UBR1: variants seen among roughly 807,000 people sequenced by gnomAD.
The protein encoded by UBR1 is ubiquitin protein ligase E3 component n-recognin 1.
Under a neutral mutation model 242.1 loss-of-function variants are expected in UBR1, and 102 were observed. The ratio of observed to expected loss-of-function variants is 0.42; its 90% CI spans 0.36 to 0.50. The LOEUF is 0.50. Among genes scored for constraint, UBR1 ranks in the 20% least tolerant of loss-of-function variants. The pLI is 0.01. For synonymous variants in UBR1, 675 were observed against 684.8 expected, an observed-to-expected ratio of 0.99 and a Z score of 0.22; for missense variants, 1,772 against 2,101.8, an observed-to-expected ratio of 0.84 and a Z score of 3.07.
chr15:42,973,897 T>TG (rs1224170408), intron 39 of UBR1, among the ~76,000 whole-genome samples: 5 of 147,852 alleles, frequency 3.4e-5, no homozygotes, highest in African/African-American at 1.3e-4. Context: ...TTTTTTTTTT[T>TG]TTTTTTTTTG....
intron 14 of UBR1, among the ~76,000 whole-genome samples, chr15:43,046,260 G>A (rs1342674910): frequency 2.0e-5 from 3 of 152,232 alleles, no homozygotes; most frequent in Non-Finnish European, 4.4e-5. Flanking sequence ...AAAAGCTACA[G>A]TGCTAGATTA....
intron 35 of UBR1, among the ~76,000 whole-genome samples, chr15:42,985,719 T>C (rs2032448168): frequency 6.6e-6 from 1 of 151,946 alleles, no homozygotes; most frequent in Non-Finnish European, 1.5e-5. Context: ...CCGGGTGCAG[T>C]GGTTCATGCC....
At chr15:43,033,913 G>A (rs2033292054) in intron 19 of UBR1, among the ~76,000 whole-genome samples, 1 of 152,014 alleles carries the variant, frequency 6.6e-6, no homozygotes, top group South Asian at 2.1e-4. Flanking sequence ...AGACTAGCCT[G>A]GTCAACATGG....
At chr15:42,995,994 G>C (rs1444900176) in intron 33 of UBR1, among the ~76,000 whole-genome samples, 1 of 152,134 alleles carries the variant, frequency 6.6e-6, no homozygotes, top group Non-Finnish European at 1.5e-5. Flanking sequence ...GGTAGGCCAG[G>C]CTTTTTCAAT....
At chr15:43,033,591 T>C (rs935376483) in intron 19 of UBR1, among the ~76,000 whole-genome samples, 1 of 152,032 alleles carries the variant, frequency 6.6e-6, no homozygotes, top group Admixed American at 6.5e-5. Flanking sequence ...GAGGCAGAGG[T>C]TGCAGTGAGC....
At chr15:42,962,603 C>T (rs900325904) in intron 42 of UBR1, among the ~76,000 whole-genome samples, 8 of 152,132 alleles carry the variant, frequency 5.3e-5, no homozygotes, top group African/African-American at 1.9e-4. Flanking sequence ...GAGTCTCCTG[C>T]CTCAGCTTCC....
At position 43,048,426 on chromosome 15, in the gene UBR1, A is replaced by C. The variant is rs1432144030; in HGVS notation, c.1505T>G (p.Phe502Cys). 6.2e-7 allele frequency: 1 copy of C among 1,613,742 alleles called. No homozygotes were observed. Among genetic ancestry groups the C allele is most frequent in the South Asian group, 1.1e-5 (1 of 91,052 alleles). ...GGTAAGAATCTTCAAAAAAGATCGAAAACCTTCAAGGAACTGCATTCTTAA... is the reference window on the plus strand; with the variant it reads ...GGTAAGAATCTTCAAAAAAGATCGACAACCTTCAAGGAACTGCATTCTTAA... ...ERLRMQFLEG[F>C]RSFLKILTCM... Residue 502 changes from phenylalanine (F) to cysteine (C), a missense_variant, in exon 13 of 47, where the codon TTT (phenylalanine) becomes TGT (cysteine). Around this residue, in one of 3 missense-constraint regions of UBR1, gnomAD observed 734 missense variants for 893.3 expected, o/e 0.82. Transcript: ENST00000290650.
chr15:43,091,906 C>CAA (rs58586323), intron 1 of UBR1: 7,465 of 178,808 alleles, frequency 0.042, 29 homozygotes, highest in South Asian at 0.048. Flanking sequence ...TACACCATCT[C>CAA]AAAAAAAAAA....
chr15:42,999,684 G>T (rs1375550908), intron 32 of UBR1, among the ~76,000 whole-genome samples: 1 of 151,830 alleles, frequency 6.6e-6, no homozygotes, highest in Non-Finnish European at 1.5e-5. Context: ...AAAAATTAGT[G>T]GGGTGTGGTG....
intron 14 of UBR1, among the ~76,000 whole-genome samples, chr15:43,045,849 T>A (rs191378112): frequency 2.6e-5 from 4 of 152,246 alleles, no homozygotes; most frequent in South Asian, 4.1e-4. Context: ...AAATAGGTAA[T>A]CGATAATAAA....
At chr15:43,070,188 A>G (rs2033807024) in intron 5 of UBR1, among the ~76,000 whole-genome samples, 1 of 151,170 alleles carries the variant, frequency 6.6e-6, no homozygotes, top group Non-Finnish European at 1.5e-5. Context: ...TTTATAAATT[A>G]AGAGCAAATA....
At chr15:43,083,952 G>A (rs1421990370) in intron 2 of UBR1, among the ~76,000 whole-genome samples, 4 of 151,910 alleles carry the variant, frequency 2.6e-5, no homozygotes, top group African/African-American at 9.7e-5. Flanking sequence ...GTTGAGGCAG[G>A]AAAATTGCTT....
chr15:43,003,900 T>A lies in UBR1; in HGVS notation c.3446A>T (p.Asp1149Val), dbSNP rs766747277. ...EALDPLFMDP[D>V]LAYGTYTGSC... Reference sequence around the variant, plus strand: ...TCCTGTATAAGTTCCATATGCCAAGTCTGGATCCATGAAAAGTGGGTCTAG... The same window carrying A: ...TCCTGTATAAGTTCCATATGCCAAGACTGGATCCATGAAAAGTGGGTCTAG... The change falls in exon 31 of 47, where the codon GAC becomes GTC. Residue 1149 changes from aspartate to valine, a missense_variant. By Grantham distance (152) the Asp-to-Val change is radical. Transcript: ENST00000290650. 6.2e-6 allele frequency: 10 copies of A among 1,614,118 alleles called. No individual in the cohort carries two copies. The highest frequency in any genetic ancestry group is 7.6e-6 in the Non-Finnish European group (9 of 1,180,016).
Position 43,060,055 on chromosome 15 carries a change from T to A in UBR1, c.858A>T (p.Ile286=), listed in dbSNP as rs988890347. ...TCCCCCTAATTCAGAAAGTTACCTTTATATCTTCCTTTGCTTCCTGGCAAG... is the reference window on the plus strand; with the variant it reads ...TCCCCCTAATTCAGAAAGTTACCTTAATATCTTCCTTTGCTTCCTGGCAAG... ...YAACQEAKED[I]KSHSENVSQH... Residue 286 remains isoleucine, a synonymous_variant, in exon 7 of 47, where the codon ATA becomes ATT. Transcript: ENST00000290650. 1 of 1,613,988 alleles carries A rather than the reference T, an allele frequency of 6.2e-7. No homozygotes were observed. Among genetic ancestry groups the A allele is most frequent in the Non-Finnish European group, 8.5e-7 (1 of 1,179,986 alleles).
At chr15:42,955,938 A>G (rs879305487) in intron 44 of UBR1, among the ~76,000 whole-genome samples, 2 of 152,220 alleles carry the variant, frequency 1.3e-5, no homozygotes, top group Non-Finnish European at 2.9e-5. Context: ...GTACCTGTAT[A>G]TTGTTAACCT....
At chr15:43,016,334 G>A (rs1044095619) in intron 28 of UBR1, among the ~76,000 whole-genome samples, 6 of 151,924 alleles carry the variant, frequency 3.9e-5, no homozygotes, top group Admixed American at 2.0e-4. Flanking sequence ...AATTTACATC[G>A]TGTGTTTTAC....
intron 27 of UBR1, among the ~76,000 whole-genome samples, chr15:43,018,514 A>G (rs2033061234): frequency 6.6e-6 from 1 of 152,094 alleles, no homozygotes; most frequent in Admixed American, 6.5e-5. Context: ...CAGCCTCTCA[A>G]GTAGCTGGGA....
rs1349542679 is a variant in UBR1, at chr15:42,944,426, T to C, written c.*903A>G. 6.6e-6 allele frequency: 1 copy of C among 152,368 alleles called. No homozygotes were observed. Among genetic ancestry groups the C allele is most frequent in the Non-Finnish European group, 1.5e-5 (1 of 68,032 alleles). 9.4% of individuals were successfully genotyped at this position (152,368 alleles called of 1,614,324 possible). On this transcript the variant is annotated 3_prime_UTR_variant, in exon 47 of 47. Coordinates refer to ENST00000290650, the MANE Select transcript of UBR1 (RefSeq NM_174916.3). ...AAGATATAGAAGACTGCGGAATTGGTTTAAATCTGATTGTTCTAATTTACA... is the reference window on the plus strand; with the variant it reads ...AAGATATAGAAGACTGCGGAATTGGCTTAAATCTGATTGTTCTAATTTACA...
rs1397173123 is a variant in UBR1, at chr15:42,949,757, C to G, written c.5108+505G>C. Among the ~76,000 whole-genome samples, 9 of 151,680 alleles carry G rather than the reference C, an allele frequency of 5.9e-5. No individual in the cohort carries two copies. The South Asian group carries it at 1.9e-3, about 32-fold the overall frequency. ...GAGGTTGCAGTGAGCTGAGATAGCGCCACTGCACTGTAGCCTGGGTGAAAC... is the reference window on the plus strand; with the variant it reads ...GAGGTTGCAGTGAGCTGAGATAGCGGCACTGCACTGTAGCCTGGGTGAAAC... On this transcript the variant is annotated intron_variant, in intron 46 of 46. Transcript: ENST00000290650.
Sources: gnomAD v4.1 joint callset for allele counts (sites outside exome capture counted in the v4.1 genomes callset) on GRCh38, gnomAD v4.1.1 for gene constraint, gnomAD v4.1.1 regional missense constraint, MANE v1.5 for transcripts, NCBI Gene and HGNC (gene_info 2026-07-23, HGNC 2026-07-21) for gene names.